The following HIRA variants were observed in gnomAD, a reference collection of about 807,000 sequenced individuals.
The protein encoded by HIRA is histone cell cycle regulator, also known as protein HIRA.
A neutral mutation model predicts 126.6 loss-of-function variants in HIRA; 13 were observed. The observed-to-expected ratio is 0.10, with a 90% CI of 0.07 to 0.16. The LOEUF is 0.16. Among genes scored for constraint, HIRA ranks in the 10% least tolerant of loss-of-function variants. The pLI is 1.00. For synonymous variants in HIRA, 511 were observed against 520.0 expected, an observed-to-expected ratio of 0.98 and a Z score of 0.24; for missense variants, 834 against 1,314.4, an observed-to-expected ratio of 0.63 and a Z score of 5.65.
At chr22:19,356,371 C>T in intron 19 of HIRA, 83 bp from the exon 20 acceptor site, 1 of 1,218,360 alleles carries the variant, frequency 8.2e-7, no homozygotes, top group Non-Finnish European at 1.2e-6. Context: ...ACACCCTGGC[C>T]CTACTGCATG....
At chr22:19,389,102 T>C (rs1379348303) in intron 9 of HIRA, among the ~76,000 whole-genome samples, 2 of 152,246 alleles carry the variant, frequency 1.3e-5, no homozygotes, top group Non-Finnish European at 2.9e-5. Flanking sequence ...TATTAATACT[T>C]TGATGAATTA....
At chr22:19,427,684 A>G (rs1033196821) in intron 1 of HIRA, among the ~76,000 whole-genome samples, 42 of 152,234 alleles carry the variant, frequency 2.8e-4, no homozygotes, top group African/African-American at 1.0e-3. Flanking sequence ...GAGCTCTTTC[A>G]GTCCTGGCCC....
chr22:19,393,094 A>G (rs191165846), intron 8 of HIRA, among the ~76,000 whole-genome samples: 48 of 152,250 alleles, frequency 3.2e-4, no homozygotes, highest in African/African-American at 9.6e-4. Context: ...TCTAACACCA[A>G]TGAGGCTGCA....
In HIRA at chr22:19,356,899, A is replaced by G. The variant is rs1556012711; in HGVS notation, c.2387T>C (p.Leu796Pro). The G allele has an allele frequency of 6.2e-7, 1 of 1,613,736 alleles. No individual in the cohort carries two copies. Among genetic ancestry groups the G allele is most frequent in the Admixed American group, 1.7e-5 (1 of 60,018 alleles). ...YVMALTAAAT[L>P]SVWDVHRQVV... ...TGTGCCTGCCTCTCACCAGACAGAG[A>G]GTGTGGCTGCAGCGGTGAGCGCCAT... The change falls in exon 19 of 25, where the codon CTC becomes CCC. Residue 796 changes from leucine to proline, a missense_variant. By Grantham distance (98) the Leu-to-Pro change is moderately conservative. Coordinates refer to ENST00000263208, the MANE Select transcript of HIRA (RefSeq NM_003325.4).
intron 9 of HIRA, among the ~76,000 whole-genome samples, chr22:19,390,519 A>G (rs1345541085): frequency 1.4e-5 from 2 of 141,702 alleles, no homozygotes; most frequent in Non-Finnish European, 3.0e-5. Context: ...CGAACCCAGG[A>G]GGCAGAGGTT....
chr22:19,345,745 A>G (rs1234570079), intron 24 of HIRA, among the ~76,000 whole-genome samples: 1 of 152,166 alleles, frequency 6.6e-6, no homozygotes, highest in South Asian at 2.1e-4. Flanking sequence ...TACACTGAAG[A>G]CCACAGCAAA....
intron 15 of HIRA, among the ~76,000 whole-genome samples, chr22:19,363,298 TACAAAAGAC>T (rs1462795389): frequency 6.3e-4 from 95 of 150,502 alleles, no homozygotes; most frequent in Non-Finnish European, 1.2e-3. Flanking sequence ...TAATTTTAAC[TACAAAAGAC>T]AAAGACAGAT....
intron 21 of HIRA, 66 bp from the exon 22 acceptor site, chr22:19,354,184 C>A (rs1211957779): frequency 2.0e-6 from 3 of 1,520,644 alleles, no homozygotes; most frequent in African/African-American, 2.8e-5. Flanking sequence ...TCTTTGCCAA[C>A]CAGAGAAGGC....
At chr22:19,415,145 G>A (rs959021693) in intron 1 of HIRA, among the ~76,000 whole-genome samples, 4 of 151,856 alleles carry the variant, frequency 2.6e-5, no homozygotes, top group Admixed American at 2.0e-4. Context: ...GAGCCACCCC[G>A]CCCAGCTACA....
In HIRA at chr22:19,407,136, A is replaced by G. The variant is rs1325607583; in HGVS notation, c.302+48T>C. 4.1e-6 allele frequency: 6 copies of G among 1,470,840 alleles called. No homozygotes were observed. In the South Asian group the frequency reaches 5.7e-5, roughly 14 times the overall value. The allele number at this position is 1,470,840 out of a possible 1,614,324, so 91.1% of individuals were successfully genotyped here. On this transcript the variant is annotated intron_variant, in intron 4 of 24. Transcript: ENST00000263208. ...AAAGGTGACTTTGATAAAGACCAGCAAAGCAGCTTCTAAAAATAAAATGTG... is the reference window on the plus strand; with the variant it reads ...AAAGGTGACTTTGATAAAGACCAGCGAAGCAGCTTCTAAAAATAAAATGTG...
chr22:19,392,113 C>T lies in HIRA; in HGVS notation c.924G>A (p.Ser308=), dbSNP rs746362023. 7.0e-6 allele frequency: 11 copies of T among 1,582,638 alleles called. No individual in the cohort carries two copies. The highest frequency in any genetic ancestry group is 2.2e-5 in the South Asian group (2 of 89,588). The change falls in exon 9 of 25, where the codon TCG becomes TCA. Residue 308 remains serine (S), a synonymous_variant. Coordinates refer to ENST00000263208, the MANE Select transcript of HIRA (RefSeq NM_003325.4). ...ATAGCAGGCTCACCCAGACAGAAAG[C>T]GAGCGGTCCTTGCTGCCAACAGCAC... ...CCCAVGSKDR[S]LSVWLTCLKR...
At chr22:19,342,801 GTTTATAGCAGCACCATTTGC>G (rs2088645670) in intron 24 of HIRA, among the ~76,000 whole-genome samples, 7 of 152,286 alleles carry the variant, frequency 4.6e-5, no homozygotes, top group Admixed American at 1.3e-4. Flanking sequence ...TTGTACACAC[GTTTATAGCAGCACCATTTGC>G]AACTGCAAAA....
intron 1 of HIRA, among the ~76,000 whole-genome samples, chr22:19,414,858 G>A (rs2089382887): frequency 6.6e-6 from 1 of 152,100 alleles, no homozygotes; most frequent in Admixed American, 6.5e-5. Flanking sequence ...TTGCACTCCA[G>A]CCTGGGTGAC....
intron 1 of HIRA, among the ~76,000 whole-genome samples, chr22:19,428,641 C>T (rs1264340064): frequency 2.0e-5 from 3 of 152,150 alleles, no homozygotes; most frequent in Non-Finnish European, 2.9e-5. Flanking sequence ...TTTAGACTCT[C>T]GAAAAACAGA....
In HIRA at chr22:19,361,761, T is replaced by C; in HGVS notation, c.1946A>G (p.Asp649Gly). The C allele has an allele frequency of 6.2e-7, 1 of 1,612,522 alleles. No homozygotes were observed. The highest frequency in any genetic ancestry group is 8.5e-7 in the Non-Finnish European group (1 of 1,179,950). ...CAGAGACACAGGCATGAGACGAGAGTCCTTCCGAGGCCGCCCTTTCTTCTT... is the reference window on the plus strand; with the variant it reads ...CAGAGACACAGGCATGAGACGAGAGCCCTTCCGAGGCCGCCCTTTCTTCTT... Reference protein sequence around the residue: ...EKKKKGRPRKDSRLMPVSLSV... With the variant: ...EKKKKGRPRKGSRLMPVSLSV... The change falls in exon 16 of 25, where the codon GAC (aspartate) becomes GGC (glycine). Residue 649 changes from aspartate to glycine, a missense_variant. Asp to Gly is a moderately conservative substitution (Grantham distance 94, BLOSUM62 -1). Coordinates refer to ENST00000263208, the MANE Select transcript of HIRA (RefSeq NM_003325.4).
intron 12 of HIRA, among the ~76,000 whole-genome samples, chr22:19,384,248 A>G (rs1274747733): frequency 7.1e-6 from 1 of 140,276 alleles, no homozygotes; most frequent in East Asian, 2.2e-4. Context: ...CGCCTGAACC[A>G]GGGAGTCGGA....
At chr22:19,356,389 A>G in intron 19 of HIRA, 101 bp from the exon 20 acceptor site, 1 of 967,122 alleles carries the variant, frequency 1.0e-6, no homozygotes, top group Non-Finnish European at 1.6e-6. Context: ...ATGCGACCCT[A>G]ACCCTGGCCT....
chr22:19,351,520 T>G lies in HIRA; in HGVS notation c.2849-74A>C, dbSNP rs1206244603. 8.9e-7 allele frequency: 1 copy of G among 1,129,098 alleles called. No homozygotes were observed. The highest frequency in any genetic ancestry group is 1.3e-6 in the Non-Finnish European group (1 of 757,860). The allele number at this position is 1,129,098 out of a possible 1,614,324, so 69.9% of individuals were successfully genotyped here. A position where few individuals can be genotyped will look rare whatever the true frequency, so the allele number is the denominator to read the frequency against. On this transcript the variant is annotated intron_variant, in intron 23 of 24. Transcript: ENST00000263208. The surrounding 1 kb of genome is among the most constrained non-coding windows in gnomAD (Gnocchi z 4.8). ...AATAGGAACACATTACAAAAAGAAA[T>G]AAAATCAAGAATATGTTGTTGTGTC...
intron 13 of HIRA, among the ~76,000 whole-genome samples, chr22:19,381,329 G>A (rs2089071503): frequency 1.3e-5 from 2 of 152,024 alleles, no homozygotes; most frequent in Admixed American, 1.3e-4. Context: ...TTTCCAATTT[G>A]TTCTTTCCTT....
Sources: gnomAD v4.1 joint callset for allele counts (sites outside exome capture counted in the v4.1 genomes callset) on GRCh38, gnomAD v4.1.1 for gene constraint, Gnocchi (gnomAD v3.1) non-coding constraint, MANE v1.5 for transcripts, NCBI Gene and HGNC (gene_info 2026-07-23, HGNC 2026-07-21) for gene names.